The following SYT7 variants were observed in gnomAD, a reference collection of about 807,000 sequenced individuals.
SYT7 encodes synaptotagmin-7.
SYT7 carries 29 observed loss-of-function variants against 75.1 expected under a neutral mutation model. The observed-to-expected ratio is 0.39, with a 90% CI of 0.29 to 0.53. The LOEUF is 0.53. Among genes scored for constraint, SYT7 ranks in the 20% least tolerant of loss-of-function variants. SYT7 has a pLI of 0.77. For synonymous variants in SYT7, 376 were observed against 401.7 expected (o/e 0.94, Z 0.76); for missense variants, 693 against 953.2 (o/e 0.73, Z 3.59).
rs1422813439 is a variant in SYT7 at position 61,576,995 on chromosome 11, G to T, written c.31+3795C>A. 6.6e-6 allele frequency among the ~76,000 whole-genome samples: 1 copy of T among 152,072 alleles called. No individual in the cohort carries two copies. The highest frequency in any genetic ancestry group is 1.5e-5 in the Non-Finnish European group (1 of 67,998). On this transcript the variant is annotated intron_variant, in intron 1 of 12. Coordinates refer to ENST00000539008, the MANE Select transcript of SYT7 (RefSeq NM_001365809.2). The surrounding 1 kb of genome is among the most constrained non-coding windows in gnomAD (Gnocchi z 4.1). ...TTACCTGTCACCTACTGGCCTGTACGTTCCCACCTCAATCCGGCCTGCTCT... is the reference window on the plus strand; with the variant it reads ...TTACCTGTCACCTACTGGCCTGTACTTTCCCACCTCAATCCGGCCTGCTCT...
chr11:61,566,058 C>G (rs2135401980), intron 1 of SYT7, among the ~76,000 whole-genome samples: 1 of 152,384 alleles, frequency 6.6e-6, no homozygotes, highest in South Asian at 2.1e-4. Flanking sequence ...AGCACTCCTA[C>G]TCCTCATCAG....
chr11:61,546,148 T>C lies in SYT7; in HGVS notation c.455A>G (p.Asp152Gly). ...GGCAGCCCCGCCGCTTCTCAAGGCGTCCTCTCCGGGTGGCGGCACCGGTGC... is the reference window on the plus strand; with the variant it reads ...GGCAGCCCCGCCGCTTCTCAAGGCGCCCTCTCCGGGTGGCGGCACCGGTGC... ...KPAPVPPPGE[D>G]ALRSGGAAPS... The change falls in exon 5 of 13, where the codon GAC becomes GGC. Residue 152 changes from aspartate to glycine, a missense_variant. This residue lies in a region of SYT7 where 487 missense variants were observed against 593.2 expected (regional missense o/e 0.82). Coordinates refer to ENST00000539008, the MANE Select transcript of SYT7 (RefSeq NM_001365809.2). The surrounding 1 kb of genome is among the most constrained non-coding windows in gnomAD (Gnocchi z 7.6). The C allele has an allele frequency of 6.5e-7, 1 of 1,528,298 alleles. No homozygotes were observed. The allele number at this position is 1,528,298 out of a possible 1,614,324, so 94.7% of individuals were successfully genotyped here.
intron 9 of SYT7, 24 bp downstream of exon 9, chr11:61,527,890 CG>C: frequency 6.2e-7 from 1 of 1,609,326 alleles, no homozygotes. Context: ...GTGACCATGG[CG>C]GGGGAAGGTG....
chr11:61,540,483 G>C, intron 6 of SYT7: 1 of 978,170 alleles, frequency 1.0e-6, no homozygotes, highest in Non-Finnish European at 1.2e-6. Flanking sequence ...ATTATTATCT[G>C]GACCTTTCTA....
chr11:61,516,976 T>C lies in SYT7; in HGVS notation c.*1651A>G, dbSNP rs2062162920. 1 of 318,124 alleles carries C rather than the reference T, an allele frequency of 3.1e-6. No individual in the cohort carries two copies. Among genetic ancestry groups the C allele is most frequent in the African/African-American group, 2.1e-5 (1 of 46,714 alleles). The allele number at this position is 318,124 out of a possible 1,614,324, so 19.7% of individuals were successfully genotyped here. On this transcript the variant is annotated 3_prime_UTR_variant, in exon 13 of 13. Coordinates refer to ENST00000539008, the MANE Select transcript of SYT7 (RefSeq NM_001365809.2). The surrounding 1 kb of genome is among the most constrained non-coding windows in gnomAD (Gnocchi z 4.6). ...AAGGAAAATGGTTCCCAAATGCCAA[T>C]GGTCTCCCCACGCCCTGGATGTGGG...
At chr11:61,556,233 C>A in intron 1 of SYT7, 26 bp from the exon 2 acceptor site, 2 of 1,592,264 alleles carry the variant, frequency 1.3e-6, no homozygotes, top group South Asian at 1.1e-5. Context: ...ACAGGTCACA[C>A]CCTCATTGGC....
At position 61,533,126 on chromosome 11, in the gene SYT7, T is replaced by C. The variant is rs1327567061; in HGVS notation, c.1065-2A>G. 1.9e-6 allele frequency: 3 copies of C among 1,591,322 alleles called. No homozygotes were observed. The highest frequency in any genetic ancestry group is 2.6e-6 in the Non-Finnish European group (3 of 1,169,696). ...ACCGCCTTCCCTCCTGCAGGCAACC[T>C]GAGGGCAGGGGAGTCCAAATGAGAT... On this transcript the variant is annotated splice_acceptor_variant, in intron 7 of 12. Coordinates refer to ENST00000539008, the MANE Select transcript of SYT7 (RefSeq NM_001365809.2). LOFTEE classifies it high-confidence loss of function.
chr11:61,551,057 C>T lies in SYT7; in HGVS notation c.215+327G>A, dbSNP rs916384911. 1.3e-5 allele frequency among the ~76,000 whole-genome samples: 2 copies of T among 152,054 alleles called. No individual in the cohort carries two copies. Among genetic ancestry groups the T allele is most frequent in the African/African-American group, 2.4e-5 (1 of 41,398 alleles). On this transcript the variant is annotated intron_variant, in intron 3 of 12. Transcript: ENST00000539008. The surrounding 1 kb of genome is among the most constrained non-coding windows in gnomAD (Gnocchi z 5.3). ...GAGGGGCTTGGAGGTCCAGGGAAGC[C>T]GGCGGGTGGTGGGCACAGTGTGTGT...
intron 1 of SYT7, among the ~76,000 whole-genome samples, chr11:61,558,668 A>G (rs925166186): frequency 3.3e-5 from 5 of 152,112 alleles, no homozygotes; most frequent in African/African-American, 1.2e-4. Context: ...AGAACCATCA[A>G]ACAGCAGGAC....
chr11:61,520,509 G>C (rs1170935361), intron 12 of SYT7, among the ~76,000 whole-genome samples: 2 of 151,630 alleles, frequency 1.3e-5, no homozygotes, highest in African/African-American at 4.8e-5. Flanking sequence ...CTGGACTACA[G>C]TGAGACTCTG....
At chr11:61,539,606 T>A (rs1384932758) in intron 6 of SYT7, 1 of 152,126 alleles carries the variant, frequency 6.6e-6, no homozygotes, top group African/African-American at 2.4e-5. Flanking sequence ...GGATGCTGGG[T>A]CAGGAAGTCT....
At chr11:61,554,209 T>C (rs2063428521) in intron 2 of SYT7, among the ~76,000 whole-genome samples, 2 of 152,006 alleles carry the variant, frequency 1.3e-5, no homozygotes, top group Non-Finnish European at 1.5e-5. Flanking sequence ...CCCCAGGCCC[T>C]GCCCCTGACT....
In SYT7 at chr11:61,537,932, C is replaced by T. The variant is rs943256926; in HGVS notation, c.1064+212G>A. 9.2e-5 allele frequency among the ~76,000 whole-genome samples: 14 copies of T among 152,314 alleles called. No individual in the cohort carries two copies. The South Asian group carries it at 1.5e-3, about 16-fold the overall frequency. ...AGAGCAGGCCTGATCCAGAATGGTC[C>T]CAGGATGGCCGCAAGTGGCCTCAGA... On this transcript the variant is annotated intron_variant, in intron 7 of 12. Coordinates refer to ENST00000539008, the MANE Select transcript of SYT7 (RefSeq NM_001365809.2).
intron 1 of SYT7, among the ~76,000 whole-genome samples, chr11:61,578,101 G>GC (rs1323054005): frequency 6.6e-6 from 1 of 152,162 alleles, no homozygotes; most frequent in Non-Finnish European, 1.5e-5. Flanking sequence ...TGGAGCTGGA[G>GC]CCTGGGTGTG....
chr11:61,563,134 C>T (rs1242386446), intron 1 of SYT7, among the ~76,000 whole-genome samples: 1 of 152,166 alleles, frequency 6.6e-6, no homozygotes, highest in African/African-American at 2.4e-5. Flanking sequence ...TTCATGAGTT[C>T]TAGGCATTCA....
At chr11:61,526,813 C>G (rs1223587751) in intron 9 of SYT7, among the ~76,000 whole-genome samples, 1 of 152,196 alleles carries the variant, frequency 6.6e-6, no homozygotes, top group Non-Finnish European at 1.5e-5. Context: ...ACACTCACTG[C>G]TCACCCTCAG....
rs1414743708 is a variant in SYT7, at chr11:61,515,798, C to T, written c.*2829G>A. 3.3e-5 allele frequency: 5 copies of T among 152,772 alleles called. No homozygotes were observed. Among genetic ancestry groups the T allele is most frequent in the East Asian group, 3.9e-4 (2 of 5,176 alleles). The allele number at this position is 152,772 out of a possible 1,614,324, so 9.5% of individuals were successfully genotyped here. A position where few individuals can be genotyped will look rare whatever the true frequency, so the allele number is the denominator to read the frequency against. On this transcript the variant is annotated 3_prime_UTR_variant, in exon 13 of 13. Coordinates refer to ENST00000539008, the MANE Select transcript of SYT7 (RefSeq NM_001365809.2). ...CTAGGGCACCCACAAAGATGGCAGACGAAGCCCATGAAAGGGCCTGCGACA... is the reference window on the plus strand; with the variant it reads ...CTAGGGCACCCACAAAGATGGCAGATGAAGCCCATGAAAGGGCCTGCGACA...
In SYT7 at chr11:61,556,095, G is replaced by A. The variant is rs444451; in HGVS notation, c.135+9C>T. Reference sequence around the variant, plus strand: ...GCACCACCCTCCAAGGGGCCCTCAGGAGCCTCACCAGTTTGCGCTGACACC... The same window carrying A: ...GCACCACCCTCCAAGGGGCCCTCAGAAGCCTCACCAGTTTGCGCTGACACC... On this transcript the variant is annotated intron_variant, in intron 2 of 12. Transcript: ENST00000539008. 14 of 1,612,352 alleles carry A rather than the reference G, an allele frequency of 8.7e-6. No homozygotes were observed. The highest frequency in any genetic ancestry group is 1.2e-5 in the Non-Finnish European group (14 of 1,179,218).
intron 1 of SYT7, among the ~76,000 whole-genome samples, chr11:61,574,314 G>T (rs79011372): frequency 0.043 from 6,521 of 152,190 alleles, 252 homozygotes; most frequent in African/African-American, 0.1. Context: ...CAGAGAGGTG[G>T]GCTGACCTGC....
Sources: allele counts gnomAD v4.1 joint callset (sites outside exome capture counted in the v4.1 genomes callset), GRCh38; gene constraint gnomAD v4.1.1; regional missense constraint gnomAD v4.1.1; non-coding constraint Gnocchi (gnomAD v3.1); transcripts MANE v1.5; gene names NCBI Gene and HGNC (gene_info 2026-07-23, HGNC 2026-07-21).